The following ADGRB1 variants were observed in gnomAD, a reference collection of about 807,000 sequenced individuals.
ADGRB1 encodes the protein adhesion G protein-coupled receptor B1.
A neutral mutation model predicts 175.7 loss-of-function variants in ADGRB1; 36 were observed. The ratio of observed to expected loss-of-function variants is 0.20; its 90% CI spans 0.16 to 0.27. ADGRB1 has a LOEUF of 0.27. Among genes scored for constraint, ADGRB1 ranks in the 10% least tolerant of loss-of-function variants. The pLI, the probability that ADGRB1 is intolerant of heterozygous loss-of-function variation, is 1.00. For synonymous variants in ADGRB1, 1,054 were observed against 979.4 expected, an observed-to-expected ratio of 1.08 and a Z score of -1.42; for missense variants, 1,731 against 2,255.3, an observed-to-expected ratio of 0.77 and a Z score of 4.71.
Position 142,536,077 on chromosome 8 carries a change from C to T in ADGRB1, c.3571-910C>T, listed in dbSNP as rs1268844055. On this transcript the variant is annotated intron_variant, in intron 25 of 30. Coordinates refer to ENST00000517894, the MANE Select transcript of ADGRB1 (RefSeq NM_001702.3). ...CAGAGCACTAGGTGAGGGAACAGGG[C>T]CACAGGTCTGTGGTTGAGTGGGTGG... is the stretch of plus-strand genomic sequence containing the variant. Among the ~76,000 whole-genome samples, 3 of 152,230 alleles carry T rather than the reference C, an allele frequency of 2.0e-5. No homozygotes were observed. The East Asian group carries it at 5.8e-4, about 29-fold the overall frequency.
intron 2 of ADGRB1, among the ~76,000 whole-genome samples, chr8:142,467,034 C>T (rs944339268): frequency 1.3e-5 from 2 of 152,212 alleles, no homozygotes; most frequent in African/African-American, 4.8e-5. Flanking sequence ...CTCGGAACAG[C>T]GTGGAGCTTG....
intron 17 of ADGRB1, among the ~76,000 whole-genome samples, chr8:142,506,994 T>A (rs749580818): frequency 2.0e-5 from 3 of 152,182 alleles, no homozygotes; most frequent in South Asian, 2.1e-4. Context: ...GTTCAGATGT[T>A]GCAGGCCCTG....
chr8:142,538,783 C>T (rs1015118878), intron 26 of ADGRB1, among the ~76,000 whole-genome samples: 2 of 152,174 alleles, frequency 1.3e-5, no homozygotes, highest in African/African-American at 2.4e-5. Context: ...TTCAACATCC[C>T]CCCCCACCAC....
At chr8:142,506,563 C>G (rs1207800518) in intron 17 of ADGRB1, among the ~76,000 whole-genome samples, 1 of 152,228 alleles carries the variant, frequency 6.6e-6, no homozygotes, top group Non-Finnish European at 1.5e-5. Context: ...CAAATGGTCT[C>G]CCACGTGCGG....
In ADGRB1 at chr8:142,526,554, A is replaced by G; in HGVS notation, c.3325A>G (p.Ile1109Val). 1 of 1,489,734 alleles carries G rather than the reference A, an allele frequency of 6.7e-7. No homozygotes were observed. Among genetic ancestry groups the G allele is most frequent in the Non-Finnish European group, 9.0e-7 (1 of 1,107,192 alleles). The allele number at this position is 1,489,734 out of a possible 1,614,324, so 92.3% of individuals were successfully genotyped here. A position where few individuals can be genotyped will look rare whatever the true frequency, so the allele number is the denominator to read the frequency against. ...CTCTGCCCGGCAGGTGAACATGGTC[A>G]TTGGGATCCTGGTGTTCAACAAGCT... ...AAAVVLVNMV[I>V]GILVFNKLVS... is the part of the protein sequence containing the mutation. Residue 1109 changes from isoleucine to valine, a missense_variant, in exon 24 of 31, where the codon ATT becomes GTT. This residue lies in a region of ADGRB1 where 301 missense variants were observed against 488.4 expected (regional missense o/e 0.62). Coordinates refer to ENST00000517894, the MANE Select transcript of ADGRB1 (RefSeq NM_001702.3).
At chr8:142,535,896 G>A (rs963861287) in intron 25 of ADGRB1, among the ~76,000 whole-genome samples, 1 of 152,176 alleles carries the variant, frequency 6.6e-6, no homozygotes, top group Non-Finnish European at 1.5e-5. Context: ...GGTGTCCGGG[G>A]GTCAGAGGCC....
At chr8:142,505,511 G>A (rs1380435245) in intron 17 of ADGRB1, among the ~76,000 whole-genome samples, 1 of 152,088 alleles carries the variant, frequency 6.6e-6, no homozygotes, top group Non-Finnish European at 1.5e-5. Flanking sequence ...GCGACGTGAG[G>A]TGGGGATCCA....
At chr8:142,465,501 G>C (rs570929572) in intron 2 of ADGRB1, among the ~76,000 whole-genome samples, 1 of 152,170 alleles carries the variant, frequency 6.6e-6, no homozygotes, top group Admixed American at 6.5e-5. Context: ...TGGAGACGTG[G>C]TCAGATGAGG....
rs933528457 is a variant in ADGRB1, at chr8:142,544,548, C to T, written c.*131C>T. 8.0e-5 allele frequency: 91 copies of T among 1,132,998 alleles called. No individual in the cohort carries two copies. Among genetic ancestry groups the T allele is most frequent in the East Asian group, 9.8e-5 (3 of 30,552 alleles). 70.2% of individuals were successfully genotyped at this position (1,132,998 alleles called of 1,614,324 possible). On this transcript the variant is annotated 3_prime_UTR_variant, in exon 31 of 31. Coordinates refer to ENST00000517894, the MANE Select transcript of ADGRB1 (RefSeq NM_001702.3). Reference sequence around the variant, plus strand: ...GCACCCCGGCCTCAGGGCGCTCAGACGGCGGCCAGGCACAGGGCCCGCAGT... The same window carrying T: ...GCACCCCGGCCTCAGGGCGCTCAGATGGCGGCCAGGCACAGGGCCCGCAGT...
chr8:142,490,533 G>A (rs549451867), intron 16 of ADGRB1, among the ~76,000 whole-genome samples: 1 of 152,380 alleles, frequency 6.6e-6, no homozygotes, highest in South Asian at 2.1e-4. Context: ...GGCTCTGGGA[G>A]GGGCCAGGAG....
chr8:142,463,223 G>A (rs904242189), intron 1 of ADGRB1, among the ~76,000 whole-genome samples: 1 of 152,176 alleles, frequency 6.6e-6, no homozygotes, highest in Non-Finnish European at 1.5e-5. Context: ...GTAGCTTTAG[G>A]GCACGAGGGC....
At position 142,464,030 on chromosome 8, in the gene ADGRB1, G is replaced by A. The variant is rs1281722890; in HGVS notation, c.-169G>A. ...ACCAGGGCCCTGGACTTTAGAAGCC[G>A]TTGCTGCCCTCTCTGTCACCTGAAG... On this transcript the variant is annotated 5_prime_UTR_variant, in exon 2 of 31. Coordinates refer to ENST00000517894, the MANE Select transcript of ADGRB1 (RefSeq NM_001702.3). 7 of 538,442 alleles carry A rather than the reference G, an allele frequency of 1.3e-5. No individual in the cohort carries two copies. The highest frequency in any genetic ancestry group is 2.0e-5 in the African/African-American group (1 of 50,352). 33.4% of individuals were successfully genotyped at this position (538,442 alleles called of 1,614,324 possible).
chr8:142,517,469 G>A (rs1031470931), intron 18 of ADGRB1, among the ~76,000 whole-genome samples: 5 of 152,192 alleles, frequency 3.3e-5, no homozygotes. Context: ...GCTCACAGGG[G>A]GCAGGGCTAG....
intron 2 of ADGRB1, among the ~76,000 whole-genome samples, chr8:142,467,536 G>A (rs187672169): frequency 1.0e-3 from 156 of 152,344 alleles, no homozygotes; most frequent in African/African-American, 3.7e-3. Flanking sequence ...CAGAGGAGAA[G>A]AAGATCTGGA....
intron 17 of ADGRB1, among the ~76,000 whole-genome samples, chr8:142,506,277 TAAGGGGA>T (rs1266569393): frequency 6.6e-6 from 1 of 152,122 alleles, no homozygotes; most frequent in Non-Finnish European, 1.5e-5. Context: ...GGGCCCTATC[TAAGGGGA>T]AAGGCACAGC....
At position 142,475,651 on chromosome 8, in the gene ADGRB1, G is replaced by A; in HGVS notation, c.946+16G>A. The A allele has an allele frequency of 8.2e-7, 1 of 1,226,698 alleles. No homozygotes were observed. The highest frequency in any genetic ancestry group is 1.0e-6 in the Non-Finnish European group (1 of 984,362). 76.0% of individuals were successfully genotyped at this position (1,226,698 alleles called of 1,614,324 possible). ...GCCTGCGGCCGTGAGTGCGGGCGGG[G>A]CGGGGCGGAGCCGGAGCCCTGGAGA... On this transcript the variant is annotated intron_variant, in intron 3 of 30. Coordinates refer to ENST00000517894, the MANE Select transcript of ADGRB1 (RefSeq NM_001702.3).
chr8:142,529,854 G>A (rs1844501890), intron 24 of ADGRB1, among the ~76,000 whole-genome samples: 1 of 151,620 alleles, frequency 6.6e-6, no homozygotes, highest in South Asian at 2.1e-4. Flanking sequence ...GTGTGCATCT[G>A]TGTGGGTGCA....
At chr8:142,496,458 G>C (rs1475338001) in intron 17 of ADGRB1, among the ~76,000 whole-genome samples, 1 of 152,142 alleles carries the variant, frequency 6.6e-6, no homozygotes, top group East Asian at 1.9e-4. Flanking sequence ...GTGAATGATG[G>C]GTGGAGAAAA....
In ADGRB1 at chr8:142,522,074, G is replaced by A. The variant is rs754731736; in HGVS notation, c.3134G>A (p.Arg1045Gln). Residue 1045 changes from arginine to glutamine, a missense_variant, in exon 21 of 31, where the codon CGG (arginine) becomes CAG (glutamine). This residue lies in a region of ADGRB1 where 301 missense variants were observed against 488.4 expected (regional missense o/e 0.62). Transcript: ENST00000517894. ...TACATGGCGGTGACGGGCCACCTCC[G>A]GAACCGCCTCATCCGCAAGCGCTTC... ...QSYMAVTGHL[R>Q]NRLIRKRFLC... The A allele has an allele frequency of 1.1e-5, 17 of 1,612,160 alleles. No individual in the cohort carries two copies. The highest frequency in any genetic ancestry group is 1.7e-5 in the Admixed American group (1 of 59,964).
Sources: gnomAD v4.1 joint callset for allele counts (sites outside exome capture counted in the v4.1 genomes callset) on GRCh38, gnomAD v4.1.1 for gene constraint, gnomAD v4.1.1 regional missense constraint, MANE v1.5 for transcripts, NCBI Gene and HGNC (gene_info 2026-07-23, HGNC 2026-07-21) for gene names.